CCSER1: variants seen among roughly 807,000 people sequenced by gnomAD.
CCSER1 encodes serine-rich coiled-coil domain-containing protein 1.
CCSER1 carries 41 observed loss-of-function variants against 82.0 expected under a neutral mutation model. The observed-to-expected ratio is 0.50, with a 90% CI of 0.39 to 0.65. CCSER1 has a LOEUF of 0.65. Ranked by LOEUF, CCSER1 falls within the 30% of genes least tolerant of loss-of-function variation. The pLI is 0.00. For synonymous variants in CCSER1, 414 were observed against 383.9 expected (o/e 1.08, Z -0.92); for missense variants, 1,119 against 1,064.2 (o/e 1.05, Z -0.72).
At chr4:91,241,450 C>T (rs1739355661) in intron 10 of CCSER1, among the ~76,000 whole-genome samples, 3 of 148,366 alleles carry the variant, frequency 2.0e-5, no homozygotes, top group Non-Finnish European at 3.0e-5. Context: ...CTCAGCCTCC[C>T]GAGTAGCTGG....
chr4:91,492,248 A>G (rs1758588338), intron 10 of CCSER1, among the ~76,000 whole-genome samples: 2 of 152,138 alleles, frequency 1.3e-5, no homozygotes, highest in South Asian at 4.1e-4. Flanking sequence ...GAATATAAAT[A>G]CAGTGTAACT....
chr4:90,352,609 C>T (rs1052931501), intron 3 of CCSER1, among the ~76,000 whole-genome samples: 3 of 151,850 alleles, frequency 2.0e-5, no homozygotes, highest in Non-Finnish European at 2.9e-5. Flanking sequence ...GTGCAGTGAG[C>T]CGAGATCGTG....
At chr4:91,179,753 C>T (rs1021488412) in intron 10 of CCSER1, among the ~76,000 whole-genome samples, 3 of 152,314 alleles carry the variant, frequency 2.0e-5, no homozygotes, top group African/African-American at 4.8e-5. Context: ...TGAACATCCT[C>T]CTTTAGCACG....
At chr4:91,152,760 T>A (rs1045744101) in intron 10 of CCSER1, among the ~76,000 whole-genome samples, 1 of 148,754 alleles carries the variant, frequency 6.7e-6, no homozygotes, top group Non-Finnish European at 1.5e-5. Context: ...AAGGATTTTG[T>A]TTCTCCTTCC....
chr4:91,471,455 C>T (rs930984520), intron 10 of CCSER1, among the ~76,000 whole-genome samples: 2 of 152,070 alleles, frequency 1.3e-5, no homozygotes, highest in African/African-American at 4.8e-5. Flanking sequence ...GACCCAGCCG[C>T]GCTGGATGGA....
intron 5 of CCSER1, among the ~76,000 whole-genome samples, chr4:90,562,949 T>C (rs1021960673): frequency 6.6e-6 from 1 of 151,826 alleles, no homozygotes; most frequent in Admixed American, 6.6e-5. Context: ...TCTTATAATA[T>C]TTAAAGTATA....
intron 7 of CCSER1, among the ~76,000 whole-genome samples, chr4:90,783,467 G>A (rs1346681551): frequency 6.6e-6 from 1 of 152,140 alleles, no homozygotes; most frequent in East Asian, 1.9e-4. Flanking sequence ...ACTAGCTTGA[G>A]AGTAAGAAAC....
chr4:91,161,982 G>T (rs1031867183), intron 10 of CCSER1, among the ~76,000 whole-genome samples: 1 of 152,154 alleles, frequency 6.6e-6, no homozygotes, highest in Non-Finnish European at 1.5e-5. Flanking sequence ...TTGAATAGGA[G>T]TGGTGAGAGA....
intron 10 of CCSER1, among the ~76,000 whole-genome samples, chr4:91,210,871 G>A (rs1373753319): frequency 3.3e-5 from 5 of 151,864 alleles, no homozygotes; most frequent in Non-Finnish European, 7.4e-5. Flanking sequence ...TGATTTTATT[G>A]TAGTTACATA....
intron 7 of CCSER1, among the ~76,000 whole-genome samples, chr4:90,806,194 T>C (rs1400603321): frequency 6.6e-6 from 1 of 152,206 alleles, no homozygotes; most frequent in African/African-American, 2.4e-5. Context: ...TGCAAAGCCA[T>C]TCATAGAGAA....
intron 9 of CCSER1, among the ~76,000 whole-genome samples, chr4:91,081,313 G>A (rs559461664): frequency 1.3e-5 from 2 of 152,212 alleles, no homozygotes; most frequent in Non-Finnish European, 2.9e-5. Flanking sequence ...AAAACCACAT[G>A]ATTATCTCAA....
At position 91,604,394 on chromosome 4, in the gene CCSER1, C is replaced by G. The variant is rs1764901623; in HGVS notation, c.*5337C>G. 1 of 152,032 alleles carries G rather than the reference C, an allele frequency of 6.6e-6. No individual in the cohort carries two copies. 9.4% of individuals were successfully genotyped at this position (152,032 alleles called of 1,614,324 possible). A position where few individuals can be genotyped will look rare whatever the true frequency, so the allele number is the denominator to read the frequency against. ...TGTTCATTGAAAAGCAGTTTTAAAA[C>G]AATTATTGACATTTAATAAATACAG... On this transcript the variant is annotated 3_prime_UTR_variant, in exon 11 of 11. Transcript: ENST00000509176.
chr4:90,948,003 C>T (rs1431628982), intron 9 of CCSER1, among the ~76,000 whole-genome samples: 2 of 152,076 alleles, frequency 1.3e-5, no homozygotes, highest in African/African-American at 4.8e-5. Flanking sequence ...TTAATTCCCA[C>T]ATTACCCAAT....
chr4:90,212,090 G>A (rs1248500639), intron 1 of CCSER1, among the ~76,000 whole-genome samples: 2 of 152,054 alleles, frequency 1.3e-5, no homozygotes, highest in African/African-American at 2.4e-5. Flanking sequence ...TACTTTCTTC[G>A]GGAGATTCTT....
At chr4:91,090,796 T>A (rs950510272) in intron 10 of CCSER1, among the ~76,000 whole-genome samples, 1 of 152,220 alleles carries the variant, frequency 6.6e-6, no homozygotes, top group Non-Finnish European at 1.5e-5. Context: ...TCATAGAAAG[T>A]CTGAAATACT....
rs1012345994 is a variant in CCSER1, at chr4:90,128,156, A to G, written c.-42+325A>G. 5.9e-5 allele frequency among the ~76,000 whole-genome samples: 9 copies of G among 152,198 alleles called. No homozygotes were observed. In the South Asian group the frequency reaches 1.9e-3, roughly 32 times the overall value. ...TCCAGGGCGATGCGGAGCGCTGGCC[A>G]AGGCGGCGAGAGTTGGCGCAGGCTT... On this transcript the variant is annotated intron_variant, in intron 1 of 10. Coordinates refer to ENST00000509176, the MANE Select transcript of CCSER1 (RefSeq NM_001145065.2).
At chr4:90,674,508 C>T (rs989269998) in intron 6 of CCSER1, among the ~76,000 whole-genome samples, 26 of 151,898 alleles carry the variant, frequency 1.7e-4, no homozygotes, top group African/African-American at 4.8e-4. Context: ...GACAGTCATT[C>T]GGCTTTTCTA....
chr4:90,657,985 C>A (rs1242833682), intron 6 of CCSER1, among the ~76,000 whole-genome samples: 2 of 152,084 alleles, frequency 1.3e-5, no homozygotes, highest in African/African-American at 4.8e-5. Context: ...TACTTGTAAT[C>A]TCAGCTATGT....
At chr4:90,319,874 G>T (rs1736821228) in intron 3 of CCSER1, among the ~76,000 whole-genome samples, 1 of 152,126 alleles carries the variant, frequency 6.6e-6, no homozygotes, top group Non-Finnish European at 1.5e-5. Flanking sequence ...TTCAGGAAAT[G>T]GAGCCATATG....
Sources: gnomAD v4.1 joint callset for allele counts (sites outside exome capture counted in the v4.1 genomes callset) on GRCh38, gnomAD v4.1.1 for gene constraint, MANE v1.5 for transcripts, NCBI Gene and HGNC (gene_info 2026-07-23, HGNC 2026-07-21) for gene names.